The following CHODL variants were observed in gnomAD, a reference collection of about 807,000 sequenced individuals.
CHODL encodes chondrolectin.
In CHODL, 29 loss-of-function variants were observed where a neutral mutation model predicts 34.5. That is an observed-to-expected ratio of 0.84 (90% CI 0.63 to 1.15). The LOEUF is 1.15. Ranked by LOEUF, CHODL falls within the 50% of genes most tolerant of loss-of-function variation. The pLI, the probability that CHODL is intolerant of heterozygous loss-of-function variation, is 0.00. For synonymous variants in CHODL, 125 were observed against 116.1 expected, an observed-to-expected ratio of 1.08 and a Z score of -0.49; for missense variants, 332 against 332.5, an observed-to-expected ratio of 1.00 and a Z score of 0.01.
At chr21:18,225,854 T>G (rs533165780) in intron 2 of CHODL, among the ~76,000 whole-genome samples, 1 of 152,040 alleles carries the variant, frequency 6.6e-6, no homozygotes, top group African/African-American at 2.4e-5. Context: ...AAAATATAAA[T>G]AGACTGCCTA....
At chr21:18,091,192 A>G (rs2065069114) in intron 2 of CHODL, among the ~76,000 whole-genome samples, 1 of 152,194 alleles carries the variant, frequency 6.6e-6, no homozygotes. Context: ...CATCCCAGCA[A>G]TTGGAACTTC....
intron 1 of CHODL, among the ~76,000 whole-genome samples, chr21:17,956,244 A>T (rs2146346564): frequency 8.1e-6 from 1 of 124,112 alleles, no homozygotes; most frequent in Non-Finnish European, 1.8e-5. Flanking sequence ...TTCACATGAG[A>T]TCTGGTCTTT....
At chr21:18,234,505 G>C (rs1055099890) in intron 2 of CHODL, among the ~76,000 whole-genome samples, 1 of 151,974 alleles carries the variant, frequency 6.6e-6, no homozygotes, top group Non-Finnish European at 1.5e-5. Context: ...TGTATGTTAA[G>C]GTCTCTTATG....
intron 2 of CHODL, among the ~76,000 whole-genome samples, chr21:18,098,872 C>T (rs1349516529): frequency 6.6e-6 from 1 of 152,032 alleles, no homozygotes; most frequent in Non-Finnish European, 1.5e-5. Context: ...GGTACATACA[C>T]CCAATGGAGT....
chr21:18,258,546 T>G (rs1359868665), intron 3 of CHODL, among the ~76,000 whole-genome samples: 1 of 152,106 alleles, frequency 6.6e-6, no homozygotes, highest in Admixed American at 6.5e-5. Context: ...CAATCTTCTT[T>G]ACTTGTTTAT....
intron 2 of CHODL, among the ~76,000 whole-genome samples, chr21:18,170,921 ACACT>A (rs1472546574): frequency 6.6e-6 from 1 of 151,808 alleles, no homozygotes; most frequent in Non-Finnish European, 1.5e-5. Flanking sequence ...TTTTAGCTTG[ACACT>A]CTTTCTTTAG....
intron 2 of CHODL, among the ~76,000 whole-genome samples, chr21:18,117,288 G>A (rs1431929041): frequency 2.0e-5 from 3 of 152,198 alleles, no homozygotes; most frequent in African/African-American, 7.2e-5. Flanking sequence ...GGCCTGTTGT[G>A]TTAGATCATT....
chr21:18,122,584 G>A (rs1047680588), intron 2 of CHODL, among the ~76,000 whole-genome samples: 1 of 151,818 alleles, frequency 6.6e-6, no homozygotes, highest in Non-Finnish European at 1.5e-5. Context: ...CTCTTCCAAT[G>A]CCAGAGAGCC....
intron 2 of CHODL, among the ~76,000 whole-genome samples, chr21:18,152,137 T>C (rs1400954420): frequency 6.6e-6 from 1 of 152,110 alleles, no homozygotes; most frequent in Non-Finnish European, 1.5e-5. Context: ...TAACAATTCA[T>C]TGAACAGAGA....
intron 2 of CHODL, among the ~76,000 whole-genome samples, chr21:18,219,215 G>T (rs2073859699): frequency 6.6e-6 from 1 of 152,190 alleles, no homozygotes; most frequent in Non-Finnish European, 1.5e-5. Context: ...GTTCCACAGG[G>T]CTGGGGAGTC....
chr21:17,966,447 T>G (rs1008608772), intron 1 of CHODL, among the ~76,000 whole-genome samples: 38 of 152,198 alleles, frequency 2.5e-4, no homozygotes, highest in African/African-American at 8.9e-4. Context: ...GCAATCTTTC[T>G]TAGAGTTTAA....
At chr21:18,057,070 A>G (rs2064591341) in intron 2 of CHODL, among the ~76,000 whole-genome samples, 1 of 152,118 alleles carries the variant, frequency 6.6e-6, no homozygotes, top group South Asian at 2.1e-4. Flanking sequence ...CTTCCATGTC[A>G]TTATCTTCAG....
chr21:18,266,317 AT>A lies in CHODL; in HGVS notation c.*280del, dbSNP rs1412826711. The A allele has an allele frequency of 1.3e-5, 12 of 921,276 alleles. No homozygotes were observed. Among genetic ancestry groups the A allele is most frequent in the Non-Finnish European group, 1.9e-5 (12 of 638,296 alleles). 57.1% of individuals were successfully genotyped at this position (921,276 alleles called of 1,614,324 possible). ...AATGGACAATGCAGATAAAGTTGTT[AT>A]CAACACGTCGGGAGTATGTGTGTTA... is the stretch of plus-strand genomic sequence containing the variant. On this transcript the variant is annotated 3_prime_UTR_variant, in exon 6 of 6. Coordinates refer to ENST00000299295, the MANE Select transcript of CHODL (RefSeq NM_024944.3).
chr21:18,055,343 C>G (rs904679107), intron 2 of CHODL, among the ~76,000 whole-genome samples: 2 of 152,178 alleles, frequency 1.3e-5, no homozygotes, highest in South Asian at 2.1e-4. Context: ...ACTCTACCCT[C>G]TCCTGAGATT....
chr21:18,128,729 GT>G (rs973045719), intron 2 of CHODL, among the ~76,000 whole-genome samples: 2 of 151,660 alleles, frequency 1.3e-5, no homozygotes, highest in African/African-American at 4.8e-5. Flanking sequence ...GTCTTAATCT[GT>G]TTTTTTTCTC....
intron 2 of CHODL, among the ~76,000 whole-genome samples, chr21:18,060,725 A>G (rs187065157): frequency 1.3e-5 from 2 of 151,322 alleles, no homozygotes; most frequent in Non-Finnish European, 2.9e-5. Context: ...AAAAAAAAAG[A>G]AAGCAAGCAG....
chr21:18,023,294 G>A (rs868632025), intron 1 of CHODL, among the ~76,000 whole-genome samples: 28 of 152,096 alleles, frequency 1.8e-4, no homozygotes, highest in African/African-American at 5.8e-4. Context: ...TGGTGTGGGG[G>A]CTTAGCTGCT....
At chr21:18,196,760 A>G (rs998844497) in intron 2 of CHODL, among the ~76,000 whole-genome samples, 2 of 152,158 alleles carry the variant, frequency 1.3e-5, no homozygotes, top group African/African-American at 2.4e-5. Context: ...TCCCTTTCAT[A>G]TGCAGAATCT....
At chr21:17,951,615 G>A (rs1362076106) in intron 1 of CHODL, among the ~76,000 whole-genome samples, 1 of 152,162 alleles carries the variant, frequency 6.6e-6, no homozygotes, top group Non-Finnish European at 1.5e-5. Flanking sequence ...AGGGTAAAGA[G>A]TCAATTTCAA....
Sources: allele counts gnomAD v4.1 joint callset (sites outside exome capture counted in the v4.1 genomes callset), GRCh38; gene constraint gnomAD v4.1.1; transcripts MANE v1.5; gene names NCBI Gene and HGNC (gene_info 2026-07-23, HGNC 2026-07-21).